The following NIF3L1 variants were observed in gnomAD, a reference collection of about 807,000 sequenced individuals.
The protein encoded by NIF3L1 is NGG1 interacting factor 3 like 1.
Under a neutral mutation model 35.0 loss-of-function variants are expected in NIF3L1, and 26 were observed. The ratio of observed to expected loss-of-function variants is 0.74; its 90% confidence interval spans 0.54 to 1.03. The LOEUF is 1.03. Among genes scored for constraint, NIF3L1 ranks in the 50% least tolerant of loss-of-function variants. The pLI, the probability that NIF3L1 is intolerant of heterozygous loss-of-function variation, is 0.00. For synonymous variants in NIF3L1, 157 were observed against 178.9 expected, an observed-to-expected ratio of 0.88 and a Z score of 0.98; for missense variants, 449 against 466.3, an observed-to-expected ratio of 0.96 and a Z score of 0.34.
rs1488404388 is a variant in NIF3L1, at chr2:200,892,011, C to T, written c.68C>T (p.Ser23Phe). ...VRFVDSLICN[S>F]SRSFMDLKAL... ...TTTGTAGATTCCCTGATCTGCAATT[C>T]TTCCCGTTCCTTCATGGATTTGAAG... Residue 23 changes from serine to phenylalanine, a missense_variant, in exon 2 of 7, where the codon TCT becomes TTT. Ser to Phe is a radical substitution (Grantham distance 155). Transcript: ENST00000409020. 11 of 1,614,182 alleles carry T rather than the reference C, an allele frequency of 6.8e-6. No homozygotes were observed. The highest frequency in any genetic ancestry group is 9.3e-6 in the Non-Finnish European group (11 of 1,180,004).
rs200394685 is a variant in NIF3L1, at chr2:200,892,352, G to T, written c.409G>T (p.Val137Phe). ...HTAYDAAPQG[V>F]NNWLAKGLGA... ...AGCCTATGATGCTGCGCCCCAGGGC[G>T]TCAACAACTGGTTGGCTAAAGGGCT... The change falls in exon 2 of 7, where the codon GTC (valine) becomes TTC (phenylalanine). Residue 137 changes from valine to phenylalanine, a missense_variant. Val to Phe is a conservative substitution (Grantham distance 50, BLOSUM62 -1). Coordinates refer to ENST00000409020, the MANE Select transcript of NIF3L1 (RefSeq NM_001369441.2). The T allele has an allele frequency of 1.2e-6, 2 of 1,603,426 alleles. No individual in the cohort carries two copies. Among genetic ancestry groups the T allele is most frequent in the Admixed American group, 1.7e-5 (1 of 58,994 alleles).
intron 6 of NIF3L1, among the ~76,000 whole-genome samples, chr2:200,902,362 G>T (rs958121666): frequency 2.0e-5 from 3 of 152,188 alleles, no homozygotes. Flanking sequence ...GAGCCCAGCA[G>T]TTCGAGACCA....
At position 200,903,760 on chromosome 2, in the gene NIF3L1, G is replaced by A; in HGVS notation, c.*82G>A. 8.9e-7 allele frequency: 1 copy of A among 1,118,012 alleles called. No homozygotes were observed. 69.3% of individuals were successfully genotyped at this position (1,118,012 alleles called of 1,614,324 possible). On this transcript the variant is annotated 3_prime_UTR_variant, in exon 7 of 7. Transcript: ENST00000409020. ...TGTAACATGAGTCAGTGGGACTGGTGTGCTTCCAGAGAGTGTCTTCGAGGG... is the reference window on the plus strand; with the variant it reads ...TGTAACATGAGTCAGTGGGACTGGTATGCTTCCAGAGAGTGTCTTCGAGGG...
At chr2:200,900,210 G>A (rs1475681501) in intron 6 of NIF3L1, among the ~76,000 whole-genome samples, 1 of 152,088 alleles carries the variant, frequency 6.6e-6, no homozygotes, top group Non-Finnish European at 1.5e-5. Flanking sequence ...GATAGTAATT[G>A]TCTGGCTGCT....
chr2:200,890,385 C>T (rs1307338535), intron 1 of NIF3L1: 1 of 152,002 alleles, frequency 6.6e-6, no homozygotes, highest in Non-Finnish European at 1.5e-5. Context: ...AACAAACTTC[C>T]AAGACCTCGA....
At chr2:200,898,863 C>T (rs2040362543) in intron 5 of NIF3L1, among the ~76,000 whole-genome samples, 1 of 152,126 alleles carries the variant, frequency 6.6e-6, no homozygotes, top group Non-Finnish European at 1.5e-5. Context: ...AGCTTCCTCA[C>T]CTGAGAATAG....
intron 6 of NIF3L1, among the ~76,000 whole-genome samples, chr2:200,902,460 C>T (rs912463401): frequency 6.6e-6 from 1 of 151,968 alleles, no homozygotes; most frequent in Non-Finnish European, 1.5e-5. Flanking sequence ...TCCAGCTACT[C>T]GAGAGGCTGA....
intron 4 of NIF3L1, 128 bp from the exon 5 acceptor site, chr2:200,896,948 A>C (rs1202874469): frequency 2.6e-5 from 22 of 849,064 alleles, no homozygotes; most frequent in Non-Finnish European, 3.6e-5. Flanking sequence ...TGATTTTGTC[A>C]GGTTTGTATC....
intron 4 of NIF3L1, among the ~76,000 whole-genome samples, chr2:200,896,194 T>C (rs1030899018): frequency 6.6e-6 from 1 of 152,122 alleles, no homozygotes; most frequent in Non-Finnish European, 1.5e-5. Flanking sequence ...CCAGGCTCTT[T>C]AGCATGGTGT....
chr2:200,900,246 T>C (rs758071613), intron 6 of NIF3L1, among the ~76,000 whole-genome samples: 4 of 152,214 alleles, frequency 2.6e-5, no homozygotes, highest in Admixed American at 1.3e-4. Context: ...TCATTTAGGA[T>C]ACTACCTAAT....
At chr2:200,899,843 T>C (rs2124897417) in intron 6 of NIF3L1, among the ~76,000 whole-genome samples, 1 of 152,300 alleles carries the variant, frequency 6.6e-6, no homozygotes, top group South Asian at 2.1e-4. Context: ...CAAATCTTTC[T>C]AGAATCTTCC....
intron 6 of NIF3L1, among the ~76,000 whole-genome samples, chr2:200,899,689 A>C (rs1034295103): frequency 6.6e-6 from 1 of 152,162 alleles, no homozygotes; most frequent in Non-Finnish European, 1.5e-5. Flanking sequence ...GTCAGCATTT[A>C]TTTTACCTAC....
At chr2:200,890,731 C>T (rs2040165426) in intron 1 of NIF3L1, 1 of 152,072 alleles carries the variant, frequency 6.6e-6, no homozygotes, top group African/African-American at 2.4e-5. Flanking sequence ...CTTTTCAGTT[C>T]CTTGTTGGAT....
At chr2:200,893,636 T>C (rs1442633397) in intron 3 of NIF3L1, among the ~76,000 whole-genome samples, 1 of 152,216 alleles carries the variant, frequency 6.6e-6, no homozygotes, top group Non-Finnish European at 1.5e-5. Context: ...GGGACTATAC[T>C]ATGCATTTTA....
At chr2:200,895,438 T>G in intron 4 of NIF3L1, 48 bp downstream of exon 4, 2 of 1,589,552 alleles carry the variant, frequency 1.3e-6, no homozygotes, top group Non-Finnish European at 1.7e-6. Flanking sequence ...TGCACACATT[T>G]TCTAACAGTA....
At chr2:200,899,774 GA>G (rs2040381835) in intron 6 of NIF3L1, among the ~76,000 whole-genome samples, 1 of 152,070 alleles carries the variant, frequency 6.6e-6, no homozygotes, top group Non-Finnish European at 1.5e-5. Context: ...CCTTAGCTAG[GA>G]AATGGTTCCT....
At chr2:200,889,806 A>G (rs2040130594) in intron 1 of NIF3L1, among the ~76,000 whole-genome samples, 154 bp downstream of exon 1, 1 of 152,164 alleles carries the variant, frequency 6.6e-6, no homozygotes, top group Non-Finnish European at 1.5e-5. Context: ...TAAGGAGGAA[A>G]CTGCACAGGA....
At position 200,891,930 on chromosome 2, in the gene NIF3L1, T is replaced by C. The variant is rs76578207; in HGVS notation, c.-14T>C. On this transcript the variant is annotated 5_prime_UTR_variant, in exon 2 of 7. Transcript: ENST00000409020. ...GTTTTGACATCAGAAACTTGAACTT[T>C]ACCTGATTTCTGTATGTTGTCATCT... 1.6e-3 allele frequency: 2,470 copies of C among 1,572,196 alleles called. 43 individuals carry two copies. In the African/African-American group the frequency reaches 0.029, roughly 18 times the overall value.
chr2:200,895,127 C>A, intron 3 of NIF3L1, 137 bp from the exon 4 acceptor site: 2 of 789,478 alleles, frequency 2.5e-6, no homozygotes, highest in Non-Finnish European at 4.2e-6. Flanking sequence ...GGATTAGTTT[C>A]AGATTAAATG....
Sources: gnomAD v4.1 joint callset for allele counts (sites outside exome capture counted in the v4.1 genomes callset) on GRCh38, gnomAD v4.1.1 for gene constraint, MANE v1.5 for transcripts, NCBI Gene and HGNC (gene_info 2026-07-23, HGNC 2026-07-21) for gene names.